PDE1A: variants seen among roughly 807,000 people sequenced by gnomAD.
PDE1A encodes the protein phosphodiesterase 1A.
In PDE1A, 35 loss-of-function variants were observed where a neutral mutation model predicts 61.7. The ratio of observed to expected loss-of-function variants is 0.57; its 90% CI spans 0.43 to 0.75. PDE1A has a LOEUF of 0.75. Ranked by LOEUF, PDE1A falls within the 30% of genes least tolerant of loss-of-function variation. PDE1A has a pLI of 0.00. For synonymous variants in PDE1A, 232 were observed against 213.2 expected (o/e 1.09, Z -0.77); for missense variants, 597 against 630.6 (o/e 0.95, Z 0.57).
chr2:182,577,988 G>GGAAGGAAGGAAGGAAA, the PDE1A span, among the ~76,000 whole-genome samples: 1 of 147,738 alleles, frequency 6.8e-6, no homozygotes, highest in Non-Finnish European at 1.5e-5. Context: ...AAGGAAGGAA[G>GGAAGGAAGGAAGGAAA]GAAGGGACGG....
chr2:182,544,117 C>A, the PDE1A span, among the ~76,000 whole-genome samples: 3 of 152,172 alleles, frequency 2.0e-5, no homozygotes, highest in Admixed American at 1.3e-4. Flanking sequence ...AAATAAGTGA[C>A]CTGGTTCAAG....
chr2:182,681,661 T>C, the PDE1A span, among the ~76,000 whole-genome samples: 44 of 152,216 alleles, frequency 2.9e-4, no homozygotes, highest in Admixed American at 2.8e-3. Context: ...TTTCTCTTTG[T>C]TTTTTTGTTT....
At chr2:182,340,551 C>G (rs1461458840) in intron 1 of PDE1A, among the ~76,000 whole-genome samples, 2 of 152,096 alleles carry the variant, frequency 1.3e-5, no homozygotes, top group African/African-American at 2.4e-5. Flanking sequence ...AAAAGAGAAG[C>G]TAGCCCTTAA....
chr2:182,451,668 A>G (rs562375681), intron 2 of PDE1A, among the ~76,000 whole-genome samples: 34 of 152,242 alleles, frequency 2.2e-4, no homozygotes, highest in Middle Eastern at 3.4e-3. Context: ...CTCACATGTC[A>G]ATGCAAACTT....
At position 182,447,686 on chromosome 2, in the gene PDE1A, T is replaced by A. The variant is rs74575794; in HGVS notation, c.101+74590A>T. Among the ~76,000 whole-genome samples, 1,310 of 152,060 alleles carry A rather than the reference T, an allele frequency of 8.6e-3. 18 individuals are homozygous for A. The highest frequency in any genetic ancestry group is 0.03 in the African/African-American group (1,232 of 41,538). ...CTCTTTCCCTCTGAACAACCATAAATCTATCTATACTTTCCTATGGCATGG... is the reference window on the plus strand; with the variant it reads ...CTCTTTCCCTCTGAACAACCATAAAACTATCTATACTTTCCTATGGCATGG... On this transcript the variant is annotated intron_variant, in intron 2 of 14. Coordinates refer to the PDE1A transcript ENST00000410103.
At chr2:182,388,038 T>C (rs1466085618) in intron 1 of PDE1A, among the ~76,000 whole-genome samples, 2 of 152,084 alleles carry the variant, frequency 1.3e-5, no homozygotes, top group Non-Finnish European at 2.9e-5. Flanking sequence ...TAACTATACC[T>C]ATACAGACAA....
At chr2:182,436,670 T>C (rs1358833237) in intron 2 of PDE1A, among the ~76,000 whole-genome samples, 1 of 152,012 alleles carries the variant, frequency 6.6e-6, no homozygotes, top group African/African-American at 2.4e-5. Flanking sequence ...ATTAACTGTG[T>C]CAGGTACTAT....
At chr2:182,538,271 T>C in the PDE1A span, among the ~76,000 whole-genome samples, 3 of 152,292 alleles carry the variant, frequency 2.0e-5, no homozygotes, top group South Asian at 6.2e-4. Flanking sequence ...TTGCTCCTTC[T>C]CAAATATAAA....
chr2:182,358,060 C>T (rs965886969), intron 1 of PDE1A, among the ~76,000 whole-genome samples: 28 of 152,212 alleles, frequency 1.8e-4, no homozygotes, highest in Non-Finnish European at 2.5e-4. Context: ...AACCATTTCT[C>T]AGCCACCTTC....
chr2:182,235,485 C>T (rs1045949911), intron 3 of PDE1A, among the ~76,000 whole-genome samples: 2 of 152,154 alleles, frequency 1.3e-5, no homozygotes, highest in African/African-American at 2.4e-5. Flanking sequence ...TTTTTTCTAT[C>T]TTCTGCTGGG....
the PDE1A span, among the ~76,000 whole-genome samples, chr2:182,623,924 G>C: frequency 1.3e-5 from 2 of 151,988 alleles, no homozygotes; most frequent in Non-Finnish European, 2.9e-5. Context: ...AGGAGACCGA[G>C]ACCATCCTGG....
intron 1 of PDE1A, among the ~76,000 whole-genome samples, chr2:182,311,507 A>G (rs1036434489): frequency 3.9e-5 from 6 of 152,132 alleles, no homozygotes; most frequent in African/African-American, 1.4e-4. Context: ...TTTTCCCTCA[A>G]TTCCCTTCCT....
At chr2:182,236,445 G>C (rs567928730) in intron 3 of PDE1A, among the ~76,000 whole-genome samples, 10 of 151,002 alleles carry the variant, frequency 6.6e-5, no homozygotes, top group Admixed American at 1.3e-4. Flanking sequence ...ATGATGAACA[G>C]GCAAAAGCGT....
intron 2 of PDE1A, among the ~76,000 whole-genome samples, chr2:182,502,338 G>GTGTGTGTC (rs899664737): frequency 6.6e-6 from 1 of 151,910 alleles, no homozygotes; most frequent in African/African-American, 2.4e-5. Context: ...GTGTGTTTGT[G>GTGTGTGTC]TGTGTGTCTG....
chr2:182,158,311 C>G (rs1332907977), intron 13 of PDE1A, among the ~76,000 whole-genome samples: 1 of 152,214 alleles, frequency 6.6e-6, no homozygotes, highest in Non-Finnish European at 1.5e-5. Flanking sequence ...TCTAAAGACT[C>G]ATGTAACAGG....
intron 13 of PDE1A, among the ~76,000 whole-genome samples, chr2:182,160,059 G>A (rs1691296288): frequency 6.6e-6 from 1 of 152,110 alleles, no homozygotes; most frequent in African/African-American, 2.4e-5. Flanking sequence ...CTATTTTTGT[G>A]ATCCTCACTT....
At chr2:182,677,152 A>G in the PDE1A span, among the ~76,000 whole-genome samples, 5 of 152,350 alleles carry the variant, frequency 3.3e-5, no homozygotes, top group African/African-American at 1.2e-4. Flanking sequence ...ATGATTTGAT[A>G]TCAAGAAAAC....
intron 1 of PDE1A, among the ~76,000 whole-genome samples, chr2:182,380,468 C>G (rs1700670474): frequency 6.6e-6 from 1 of 152,118 alleles, no homozygotes; most frequent in Admixed American, 6.5e-5. Flanking sequence ...TAAAATAGAT[C>G]ATGCCCTTTG....
the PDE1A span, among the ~76,000 whole-genome samples, chr2:182,628,076 A>G: frequency 6.6e-6 from 1 of 150,562 alleles, no homozygotes; most frequent in South Asian, 2.1e-4. Context: ...ACACACACAC[A>G]GTTTGCATTT....
Sources: allele counts gnomAD v4.1 joint callset (sites outside exome capture counted in the v4.1 genomes callset), GRCh38; gene constraint gnomAD v4.1.1; transcripts MANE v1.5; gene names NCBI Gene and HGNC (gene_info 2026-07-23, HGNC 2026-07-21).